NAALADL2: variants seen among roughly 807,000 people sequenced by gnomAD.
NAALADL2 encodes N-acetylated alpha-linked acidic dipeptidase like 2.
Under a neutral mutation model 87.2 loss-of-function variants are expected in NAALADL2, and 76 were observed. The ratio of observed to expected loss-of-function variants is 0.87; its 90% confidence interval spans 0.72 to 1.05. NAALADL2 has a LOEUF of 1.05. Among genes scored for constraint, NAALADL2 ranks in the 50% least tolerant of loss-of-function variants. The pLI, the probability that NAALADL2 is intolerant of heterozygous loss-of-function variation, is 0.00. For synonymous variants in NAALADL2, 354 were observed against 331.0 expected (o/e 1.07, Z -0.75); for missense variants, 1,089 against 945.8 (o/e 1.15, Z -1.99).
intron 2 of NAALADL2, among the ~76,000 whole-genome samples, chr3:174,627,312 G>T (rs1158880148): frequency 6.6e-6 from 1 of 151,888 alleles, no homozygotes; most frequent in Non-Finnish European, 1.5e-5. Context: ...GAGTACATAT[G>T]GCCAAGAAAT....
intron 2 of NAALADL2, among the ~76,000 whole-genome samples, chr3:174,620,064 A>G (rs913843836): frequency 6.6e-6 from 1 of 151,982 alleles, no homozygotes; most frequent in Admixed American, 6.6e-5. Context: ...TCAACACTTT[A>G]TATTACAAAG....
chr3:174,726,728 T>G (rs1215389395), intron 2 of NAALADL2, among the ~76,000 whole-genome samples: 1 of 152,128 alleles, frequency 6.6e-6, no homozygotes, highest in Non-Finnish European at 1.5e-5. Flanking sequence ...TAGGCTCTTC[T>G]TTTCTTGCCC....
chr3:175,350,298 A>G (rs1162280312), intron 5 of NAALADL2, among the ~76,000 whole-genome samples: 1 of 152,192 alleles, frequency 6.6e-6, no homozygotes, highest in African/African-American at 2.4e-5. Context: ...TGATAAACTG[A>G]TTAAAAATAA....
chr3:174,823,982 A>G (rs946825011), intron 3 of NAALADL2, among the ~76,000 whole-genome samples: 2 of 152,340 alleles, frequency 1.3e-5, no homozygotes, highest in South Asian at 4.1e-4. Flanking sequence ...AATTCTTAGT[A>G]TCTTCTATGA....
intron 5 of NAALADL2, among the ~76,000 whole-genome samples, chr3:175,413,497 G>A (rs1397884757): frequency 6.7e-6 from 1 of 150,050 alleles, no homozygotes; most frequent in African/African-American, 2.4e-5. Flanking sequence ...TTGAACCCAG[G>A]AGGTGGAGGT....
At chr3:175,005,948 C>G (rs1748961021) in intron 1 of NAALADL2, among the ~76,000 whole-genome samples, 1 of 152,140 alleles carries the variant, frequency 6.6e-6, no homozygotes. Context: ...CAGCGTTTGT[C>G]TAAAAGCAGT....
intron 9 of NAALADL2, among the ~76,000 whole-genome samples, chr3:175,503,825 A>G (rs950779514): frequency 1.3e-5 from 2 of 152,188 alleles, no homozygotes; most frequent in Admixed American, 1.3e-4. Flanking sequence ...GATTCTGGAT[A>G]TGAGACCTTT....
intron 2 of NAALADL2, among the ~76,000 whole-genome samples, chr3:174,669,698 T>C (rs1266879701): frequency 6.6e-6 from 1 of 152,102 alleles, no homozygotes; most frequent in Non-Finnish European, 1.5e-5. Context: ...TTGTTCTTTT[T>C]CAAGATTGTT....
rs563283992 is a variant in NAALADL2, at chr3:174,968,607, G to A, written c.43+109157G>A. Among the ~76,000 whole-genome samples, 164 of 152,104 alleles carry A rather than the reference G, an allele frequency of 1.1e-3. 1 individual carries two copies. The highest frequency in any genetic ancestry group is 1.3e-3 in the Non-Finnish European group (89 of 67,990). ...CAATTCTCCTGCCTCAGCCTCCCGA[G>A]TAGCTGGGATTACAGGTGCACGCCA... On this transcript the variant is annotated intron_variant, in intron 1 of 13. Coordinates refer to ENST00000454872, the MANE Select transcript of NAALADL2 (RefSeq NM_207015.3).
chr3:174,578,982 C>T (rs954742433), intron 2 of NAALADL2, among the ~76,000 whole-genome samples: 26 of 151,628 alleles, frequency 1.7e-4, no homozygotes, highest in African/African-American at 6.3e-4. Context: ...GTACATTTCA[C>T]AAAGAAAAAT....
chr3:174,607,946 C>T (rs1353482656), intron 2 of NAALADL2, among the ~76,000 whole-genome samples: 13 of 152,130 alleles, frequency 8.5e-5, no homozygotes, highest in Admixed American at 2.6e-4. Context: ...TGTAAAAGAA[C>T]AGAAATTATA....
Position 175,606,736 on chromosome 3 carries a change from G to A in NAALADL2, c.1801-20555G>A, listed in dbSNP as rs187470340. On this transcript the variant is annotated intron_variant, in intron 10 of 13. Coordinates refer to ENST00000454872, the MANE Select transcript of NAALADL2 (RefSeq NM_207015.3). Reference sequence around the variant, plus strand: ...TTCTACTTGAGGCAAACAGAAGAGTGTAAGGAAAACCTAGCATACTTCTGT... The same window carrying A: ...TTCTACTTGAGGCAAACAGAAGAGTATAAGGAAAACCTAGCATACTTCTGT... 8.5e-5 allele frequency among the ~76,000 whole-genome samples: 13 copies of A among 152,186 alleles called. No individual in the cohort carries two copies. The East Asian group carries it at 2.3e-3, about 27-fold the overall frequency.
At chr3:175,448,398 A>T (rs2149226040) in intron 6 of NAALADL2, among the ~76,000 whole-genome samples, 1 of 152,362 alleles carries the variant, frequency 6.6e-6, no homozygotes. Context: ...TATGTAATGT[A>T]AAATATGTAA....
intron 3 of NAALADL2, among the ~76,000 whole-genome samples, chr3:174,790,213 C>T (rs1717291164): frequency 6.6e-6 from 1 of 152,150 alleles, no homozygotes; most frequent in Non-Finnish European, 1.5e-5. Flanking sequence ...CGGGGAATCT[C>T]CCTGTTTTTT....
At chr3:174,745,242 A>G (rs548482565) in intron 3 of NAALADL2, among the ~76,000 whole-genome samples, 1 of 152,218 alleles carries the variant, frequency 6.6e-6, no homozygotes, top group Non-Finnish European at 1.5e-5. Context: ...TAGACACAAT[A>G]AAAAATGATA....
chr3:175,650,662 G>C (rs1465504300), intron 11 of NAALADL2, among the ~76,000 whole-genome samples: 1 of 152,072 alleles, frequency 6.6e-6, no homozygotes, highest in East Asian at 1.9e-4. Flanking sequence ...TTTCATTGCT[G>C]TCTATAACTC....
intron 5 of NAALADL2, among the ~76,000 whole-genome samples, chr3:175,407,611 A>G (rs1712641572): frequency 6.6e-6 from 1 of 152,200 alleles, no homozygotes; most frequent in Non-Finnish European, 1.5e-5. Flanking sequence ...GCAAATAAAT[A>G]TAGAAAAAGA....
intron 9 of NAALADL2, among the ~76,000 whole-genome samples, chr3:175,492,697 A>G (rs1466433284): frequency 1.3e-5 from 2 of 152,144 alleles, no homozygotes; most frequent in Non-Finnish European, 2.9e-5. Context: ...TTCATATACA[A>G]ATGTAAATTA....
chr3:175,332,373 A>G (rs1342228160), intron 5 of NAALADL2, among the ~76,000 whole-genome samples: 6 of 152,148 alleles, frequency 3.9e-5, no homozygotes, highest in African/African-American at 2.4e-5. Flanking sequence ...ATAAAAACAG[A>G]AACACTACAG....
Sources: allele counts gnomAD v4.1 joint callset (sites outside exome capture counted in the v4.1 genomes callset), GRCh38; gene constraint gnomAD v4.1.1; transcripts MANE v1.5; gene names NCBI Gene and HGNC (gene_info 2026-07-23, HGNC 2026-07-21).